PPIL6: variants seen among roughly 807,000 people sequenced by gnomAD.
The protein encoded by PPIL6 is peptidylprolyl isomerase like 6.
In PPIL6, 39 loss-of-function variants were observed where a neutral mutation model predicts 36.8. That is an observed-to-expected ratio of 1.06 (90% CI 0.82 to 1.38). PPIL6 has a LOEUF of 1.38. Among genes scored for constraint, PPIL6 ranks in the 40% most tolerant of loss-of-function variants. The pLI is 0.00. For synonymous variants in PPIL6, 123 were observed against 134.1 expected (o/e 0.92, Z 0.57); for missense variants, 368 against 379.1 (o/e 0.97, Z 0.24).
chr6:109,436,248 G>T, intron 1 of PPIL6, 49 bp from the exon 2 acceptor site: 1 of 1,148,774 alleles, frequency 8.7e-7, no homozygotes, highest in Non-Finnish European at 1.3e-6. Flanking sequence ...CTCTTTTAAA[G>T]TCAAAATCAT....
chr6:109,437,525 G>A (rs1477463708), intron 1 of PPIL6, among the ~76,000 whole-genome samples: 7 of 150,850 alleles, frequency 4.6e-5, no homozygotes, highest in Non-Finnish European at 8.8e-5. Context: ...AGGCAATACT[G>A]CAGGTTGACT....
At chr6:109,440,272 G>A in intron 1 of PPIL6, 184 bp downstream of exon 1, 1 of 751,058 alleles carries the variant, frequency 1.3e-6, no homozygotes, top group South Asian at 1.5e-5. Flanking sequence ...ACCCGCACTT[G>A]CCCCCCTATA....
chr6:109,398,298 G>A (rs1434829724), intron 7 of PPIL6, among the ~76,000 whole-genome samples: 1 of 152,206 alleles, frequency 6.6e-6, no homozygotes, highest in African/African-American at 2.4e-5. Context: ...TTAATGTAAT[G>A]TTATCTCTTT....
intron 3 of PPIL6, among the ~76,000 whole-genome samples, chr6:109,430,311 T>C (rs1314017316): frequency 6.6e-6 from 1 of 152,208 alleles, no homozygotes; most frequent in Non-Finnish European, 1.5e-5. Context: ...CCTACTGCCA[T>C]CACATCCTGA....
chr6:109,434,284 A>C (rs912813831), intron 2 of PPIL6, among the ~76,000 whole-genome samples: 1 of 152,158 alleles, frequency 6.6e-6, no homozygotes, highest in Non-Finnish European at 1.5e-5. Context: ...AGCTGGGCAC[A>C]GTGGCTCACA....
intron 7 of PPIL6, among the ~76,000 whole-genome samples, chr6:109,396,878 G>C (rs998220866): frequency 6.6e-6 from 1 of 151,918 alleles, no homozygotes; most frequent in Non-Finnish European, 1.5e-5. Context: ...GGCTTGGAAG[G>C]AGTGCCTGTC....
intron 1 of PPIL6, among the ~76,000 whole-genome samples, chr6:109,438,544 T>C (rs535200615): frequency 6.6e-6 from 1 of 152,264 alleles, no homozygotes; most frequent in Admixed American, 6.5e-5. Context: ...TACTGTCTTC[T>C]ACATCAGGGG....
chr6:109,403,121 A>C, intron 6 of PPIL6: 1 of 1,470,720 alleles, frequency 6.8e-7, no homozygotes, highest in Non-Finnish European at 9.0e-7. Flanking sequence ...AAAATTAAAG[A>C]GCTATAATTT....
At chr6:109,426,386 A>T (rs1773815716) in intron 5 of PPIL6, among the ~76,000 whole-genome samples, 1 of 152,218 alleles carries the variant, frequency 6.6e-6, no homozygotes, top group African/African-American at 2.4e-5. Flanking sequence ...CTGAAAAGAA[A>T]GAGAACATAG....
At chr6:109,406,844 T>G (rs186524921) in intron 6 of PPIL6, among the ~76,000 whole-genome samples, 1 of 152,328 alleles carries the variant, frequency 6.6e-6, no homozygotes, top group East Asian at 1.9e-4. Flanking sequence ...TTATTATTGT[T>G]TGTGAAGCTC....
intron 1 of PPIL6, chr6:109,440,207 C>G (rs984976202): frequency 3.4e-6 from 2 of 587,126 alleles, no homozygotes; most frequent in African/African-American, 3.7e-5. Flanking sequence ...GTTCTGAACC[C>G]TTCCTTCGCT....
In PPIL6 at chr6:109,399,943, C is replaced by T. The variant is rs1289056615; in HGVS notation, c.824+92G>A. The T allele has an allele frequency of 2.5e-5, 25 of 1,002,494 alleles. No individual in the cohort carries two copies. In the East Asian group the frequency reaches 6.2e-4, roughly 25 times the overall value. 62.1% of individuals were successfully genotyped at this position (1,002,494 alleles called of 1,614,324 possible). A position where few individuals can be genotyped will look rare whatever the true frequency, so the allele number is the denominator to read the frequency against. ...TGCATTTAAGCCCTATTTTTAGCTACCTATACACTATATACAATACTTATC... is the reference window on the plus strand; with the variant it reads ...TGCATTTAAGCCCTATTTTTAGCTATCTATACACTATATACAATACTTATC... On this transcript the variant is annotated intron_variant, in intron 7 of 7. Transcript: ENST00000521072.
At chr6:109,430,108 C>T (rs1194371460) in intron 3 of PPIL6, among the ~76,000 whole-genome samples, 1 of 152,190 alleles carries the variant, frequency 6.6e-6, no homozygotes, top group Non-Finnish European at 1.5e-5. Flanking sequence ...CACTGAGCAC[C>T]TATTATGTTT....
intron 1 of PPIL6, among the ~76,000 whole-genome samples, chr6:109,439,131 T>C (rs1211478884): frequency 6.6e-6 from 1 of 151,938 alleles, no homozygotes; most frequent in Non-Finnish European, 1.5e-5. Context: ...TTCTTTACAA[T>C]GTGGAGTCGG....
intron 6 of PPIL6, among the ~76,000 whole-genome samples, chr6:109,401,309 C>T (rs530520096): frequency 2.0e-5 from 3 of 152,244 alleles, no homozygotes; most frequent in South Asian, 2.1e-4. Context: ...AATTTGAAGA[C>T]GTACCATTCC....
intron 6 of PPIL6, among the ~76,000 whole-genome samples, chr6:109,416,712 G>A (rs1773276869): frequency 6.6e-6 from 1 of 151,984 alleles, no homozygotes; most frequent in South Asian, 2.1e-4. Context: ...ATCTTTTGCT[G>A]GAATTAAATT....
At chr6:109,429,688 G>C (rs992104162) in intron 3 of PPIL6, among the ~76,000 whole-genome samples, 11 of 152,314 alleles carry the variant, frequency 7.2e-5, no homozygotes, top group African/African-American at 2.6e-4. Flanking sequence ...GTGGAGGTGT[G>C]AACAAGGGCC....
At chr6:109,439,980 C>T (rs921708198) in intron 1 of PPIL6, among the ~76,000 whole-genome samples, 2 of 152,126 alleles carry the variant, frequency 1.3e-5, no homozygotes, top group African/African-American at 4.8e-5. Context: ...AACGCAGTGA[C>T]GGCTCTATAA....
intron 6 of PPIL6, among the ~76,000 whole-genome samples, chr6:109,400,788 C>G (rs1772495830): frequency 6.6e-6 from 1 of 152,154 alleles, no homozygotes; most frequent in African/African-American, 2.4e-5. Context: ...TGTACTTTCC[C>G]ATTCCATGTA....
Sources: allele counts gnomAD v4.1 joint callset (sites outside exome capture counted in the v4.1 genomes callset), GRCh38; gene constraint gnomAD v4.1.1; transcripts MANE v1.5; gene names NCBI Gene and HGNC (gene_info 2026-07-23, HGNC 2026-07-21).